SNAP25: variants seen among roughly 807,000 people sequenced by gnomAD.
SNAP25 encodes synaptosome associated protein 25, also known as synaptosomal-associated protein 25.
A neutral mutation model predicts 28.7 loss-of-function variants in SNAP25; 3 were observed. The ratio of observed to expected loss-of-function variants is 0.10; its 90% CI spans 0.05 to 0.27. The LOEUF (loss-of-function observed/expected upper bound fraction) is 0.27. Ranked by LOEUF, SNAP25 falls within the 10% of genes least tolerant of loss-of-function variation. The pLI, the probability that SNAP25 is intolerant of heterozygous loss-of-function variation, is 1.00. For synonymous variants in SNAP25, 61 were observed against 88.1 expected (o/e 0.69, Z 1.72); for missense variants, 117 against 278.7 (o/e 0.42, Z 4.13).
chr20:10,235,222 G>C (rs1443509407), intron 1 of SNAP25, among the ~76,000 whole-genome samples: 1 of 152,126 alleles, frequency 6.6e-6, no homozygotes, highest in African/African-American at 2.4e-5. Flanking sequence ...AACAGAGCAA[G>C]ACCTCATCTC....
chr20:10,264,819 C>T (rs1435181594), intron 1 of SNAP25, among the ~76,000 whole-genome samples: 2 of 152,000 alleles, frequency 1.3e-5, no homozygotes, highest in South Asian at 2.1e-4. Context: ...GATGCTAGCC[C>T]GACCTCCACA....
At chr20:10,259,654 T>G (rs928558166) in intron 1 of SNAP25, among the ~76,000 whole-genome samples, 2 of 152,158 alleles carry the variant, frequency 1.3e-5, no homozygotes, top group African/African-American at 4.8e-5. Flanking sequence ...TCCTCCCACT[T>G]CAGCTCCCCA....
intron 7 of SNAP25, among the ~76,000 whole-genome samples, chr20:10,300,876 G>A (rs937297938): frequency 2.0e-5 from 3 of 152,072 alleles, no homozygotes; most frequent in African/African-American, 7.2e-5. Context: ...ATAATAATGA[G>A]AGTTTCAAAA....
Position 10,259,737 on chromosome 20 carries a change from A to C in SNAP25, c.-63-15692A>C, listed in dbSNP as rs145972590. On this transcript the variant is annotated intron_variant, in intron 1 of 7. Coordinates refer to ENST00000254976, the MANE Select transcript of SNAP25 (RefSeq NM_130811.4). ...ATTTTTTGTAGAGATGGGTCTGGCC[A>C]TGTTGCCCAGGCTGGTCTGAAACTC... Among the ~76,000 whole-genome samples the C allele has an allele frequency of 2.8e-3, 426 of 152,074 alleles. 1 individual carries two copies. The highest frequency in any genetic ancestry group is 9.7e-3 in the African/African-American group (404 of 41,486).
At chr20:10,256,513 C>T (rs1305414333) in intron 1 of SNAP25, among the ~76,000 whole-genome samples, 2 of 151,804 alleles carry the variant, frequency 1.3e-5, no homozygotes, top group African/African-American at 4.8e-5. Context: ...AATATGCAAA[C>T]ATTTTACAGA....
chr20:10,250,815 T>C (rs897765280), intron 1 of SNAP25, among the ~76,000 whole-genome samples: 7 of 152,200 alleles, frequency 4.6e-5, no homozygotes, highest in African/African-American at 1.4e-4. Flanking sequence ...CTTTTCCAAG[T>C]TGAGATATCT....
At chr20:10,266,748 A>G (rs903963755) in intron 1 of SNAP25, among the ~76,000 whole-genome samples, 16 of 152,218 alleles carry the variant, frequency 1.1e-4, no homozygotes, top group African/African-American at 3.9e-4. Flanking sequence ...AAACATGACA[A>G]CACAGCTGCA....
chr20:10,228,657 G>A (rs913676414), intron 1 of SNAP25, among the ~76,000 whole-genome samples: 40 of 152,142 alleles, frequency 2.6e-4, no homozygotes, highest in African/African-American at 9.7e-4. Flanking sequence ...TCTGTAAAAG[G>A]AGAGCAATTG....
At chr20:10,244,982 C>T (rs755900875) in intron 1 of SNAP25, among the ~76,000 whole-genome samples, 2 of 152,188 alleles carry the variant, frequency 1.3e-5, no homozygotes, top group South Asian at 2.1e-4. Flanking sequence ...CCACCCACCT[C>T]GGCCTCCCAA....
intron 1 of SNAP25, among the ~76,000 whole-genome samples, chr20:10,242,068 G>A (rs376011688): frequency 6.6e-6 from 1 of 152,174 alleles, no homozygotes; most frequent in Non-Finnish European, 1.5e-5. Flanking sequence ...CATGGGAGCT[G>A]CTGGAGAACC....
At chr20:10,230,782 C>T (rs2062815616) in intron 1 of SNAP25, among the ~76,000 whole-genome samples, 1 of 152,098 alleles carries the variant, frequency 6.6e-6, no homozygotes, top group Non-Finnish European at 1.5e-5. Flanking sequence ...GAAGAGCTGT[C>T]CTGGACCATT....
chr20:10,261,020 G>T (rs2063405955), intron 1 of SNAP25, among the ~76,000 whole-genome samples: 1 of 151,990 alleles, frequency 6.6e-6, no homozygotes, highest in South Asian at 2.1e-4. Context: ...CACCTCTTGG[G>T]TACAGATTAC....
At chr20:10,252,335 T>C (rs1486610398) in intron 1 of SNAP25, among the ~76,000 whole-genome samples, 1 of 152,232 alleles carries the variant, frequency 6.6e-6, no homozygotes. Flanking sequence ...ATTTGTTTAA[T>C]TGGGTTCAAA....
intron 1 of SNAP25, among the ~76,000 whole-genome samples, chr20:10,263,778 A>G (rs1193350529): frequency 6.6e-6 from 1 of 152,182 alleles, no homozygotes; most frequent in African/African-American, 2.4e-5. Flanking sequence ...ACCATCCCTA[A>G]GGGGCGGTTC....
At chr20:10,237,837 C>G (rs771052518) in intron 1 of SNAP25, among the ~76,000 whole-genome samples, 3 of 152,192 alleles carry the variant, frequency 2.0e-5, no homozygotes, top group African/African-American at 7.2e-5. Flanking sequence ...CCACAGCAAG[C>G]TTCACCCCAA....
Position 10,293,111 on chromosome 20 carries a change from CT to C in SNAP25, c.164-46del. The C allele has an allele frequency of 6.7e-7, 1 of 1,503,074 alleles. No individual in the cohort carries two copies. Among genetic ancestry groups the C allele is most frequent in the Non-Finnish European group, 9.0e-7 (1 of 1,107,254 alleles). 93.1% of individuals were successfully genotyped at this position (1,503,074 alleles called of 1,614,324 possible). A position where few individuals can be genotyped will look rare whatever the true frequency, so the allele number is the denominator to read the frequency against. On this transcript the variant is annotated intron_variant, in intron 4 of 7. Transcript: ENST00000254976. The surrounding 1 kb of genome is among the most constrained non-coding windows in gnomAD (Gnocchi z 5.6). ...GAAGTTTTGTCTTTTTTTCTTTGTCCTTTTCCATCTGCTTCATTCTGTGGGG... is the reference window on the plus strand; with the variant it reads ...GAAGTTTTGTCTTTTTTTCTTTGTCCTTTCCATCTGCTTCATTCTGTGGGG...
intron 1 of SNAP25, among the ~76,000 whole-genome samples, chr20:10,242,398 A>C (rs1210638867): frequency 6.6e-6 from 1 of 152,112 alleles, no homozygotes; most frequent in Non-Finnish European, 1.5e-5. Context: ...AGGTGTTAGA[A>C]ACTCCCAGTA....
chr20:10,254,657 G>A (rs2063289533), intron 1 of SNAP25, among the ~76,000 whole-genome samples: 1 of 152,162 alleles, frequency 6.6e-6, no homozygotes, highest in South Asian at 2.1e-4. Flanking sequence ...TGAGCTACCT[G>A]CTTTGTAAAC....
chr20:10,265,730 C>T (rs2063495160), intron 1 of SNAP25, among the ~76,000 whole-genome samples: 1 of 152,162 alleles, frequency 6.6e-6, no homozygotes, highest in African/African-American at 2.4e-5. Context: ...GTTAAAATAA[C>T]ATCGCGTGGT....
Sources: allele counts gnomAD v4.1 joint callset (sites outside exome capture counted in the v4.1 genomes callset), GRCh38; gene constraint gnomAD v4.1.1; non-coding constraint Gnocchi (gnomAD v3.1); transcripts MANE v1.5; gene names NCBI Gene and HGNC (gene_info 2026-07-23, HGNC 2026-07-21).